OSBPL11: variants seen among roughly 807,000 people sequenced by gnomAD.
The protein encoded by OSBPL11 is oxysterol-binding protein-related protein 11.
A neutral mutation model predicts 84.4 loss-of-function variants in OSBPL11; 33 were observed. The ratio of observed to expected loss-of-function variants is 0.39; its 90% CI spans 0.30 to 0.52. The LOEUF (loss-of-function observed/expected upper bound fraction) is 0.52, where lower values mean the gene tolerates loss of function less well. Among genes scored for constraint, OSBPL11 ranks in the 20% least tolerant of loss-of-function variants. The pLI, the probability that OSBPL11 is intolerant of heterozygous loss-of-function variation, is 0.72. For synonymous variants in OSBPL11, 276 were observed against 310.2 expected, an observed-to-expected ratio of 0.89 and a Z score of 1.16; for missense variants, 736 against 901.1, an observed-to-expected ratio of 0.82 and a Z score of 2.35.
At chr3:125,563,375 TAA>T (rs1412924860) in intron 7 of OSBPL11, among the ~76,000 whole-genome samples, 4 of 152,058 alleles carry the variant, frequency 2.6e-5, no homozygotes, top group Non-Finnish European at 4.4e-5. Flanking sequence ...TTAAGAAACA[TAA>T]GAGACAAACA....
chr3:125,553,743 T>G (rs993782568), intron 8 of OSBPL11, among the ~76,000 whole-genome samples: 6 of 152,236 alleles, frequency 3.9e-5, no homozygotes, highest in Admixed American at 6.5e-5. Flanking sequence ...TTTAATTGAC[T>G]ATTATAGTCA....
At chr3:125,542,016 A>G (rs1171806777) in intron 10 of OSBPL11, among the ~76,000 whole-genome samples, 2 of 152,228 alleles carry the variant, frequency 1.3e-5, no homozygotes, top group African/African-American at 4.8e-5. Flanking sequence ...TGACATTACC[A>G]TTATTTTGTA....
At chr3:125,530,718 T>C in intron 12 of OSBPL11, 138 bp from the exon 13 acceptor site, 1 of 714,644 alleles carries the variant, frequency 1.4e-6, no homozygotes, top group Non-Finnish European at 2.4e-6. Context: ...AATAAAGTCT[T>C]TGTGATTAAG....
intron 7 of OSBPL11, among the ~76,000 whole-genome samples, chr3:125,561,293 C>A (rs377152285): frequency 6.6e-6 from 1 of 152,210 alleles, no homozygotes; most frequent in Non-Finnish European, 1.5e-5. Flanking sequence ...CCACCACACC[C>A]GGCCCCTTAA....
Position 125,560,485 on chromosome 3 carries a change from T to C in OSBPL11, c.1049A>G (p.Glu350Gly). Residue 350 changes from glutamate (E) to glycine (G), a missense_variant, in exon 8 of 13, where the codon GAG becomes GGG. By Grantham distance (98) the Glu-to-Gly change is moderately conservative. This residue lies in a region of OSBPL11 where 579 missense variants were observed against 717.6 expected (regional missense o/e 0.81). Transcript: ENST00000296220. ...PEEINADDEI[E>G]DTCDHKEDDL... is the part of the protein sequence containing the mutation. ...ATCCTCTTTGTGGTCACATGTATCC[T>C]CTATCTCATCATCTGCATTTATTTC... 1 of 1,593,960 alleles carries C rather than the reference T, an allele frequency of 6.3e-7. No homozygotes were observed. The highest frequency in any genetic ancestry group is 1.2e-5 in the South Asian group (1 of 86,388).
intron 8 of OSBPL11, among the ~76,000 whole-genome samples, chr3:125,558,679 T>C (rs770117633): frequency 3.9e-5 from 6 of 152,244 alleles, no homozygotes; most frequent in Non-Finnish European, 8.8e-5. Context: ...ATTTGACATA[T>C]ATAGGTTTTG....
intron 1 of OSBPL11, among the ~76,000 whole-genome samples, chr3:125,589,038 C>A (rs1019187694): frequency 2.0e-5 from 3 of 152,182 alleles, no homozygotes; most frequent in Non-Finnish European, 2.9e-5. Context: ...GGTATCCCAT[C>A]TATGACAAAT....
At chr3:125,550,416 A>C (rs1249457506) in intron 9 of OSBPL11, among the ~76,000 whole-genome samples, 6 of 148,438 alleles carry the variant, frequency 4.0e-5, no homozygotes, top group Admixed American at 1.4e-4. Flanking sequence ...CAACAAACAA[A>C]AAAAAAAAAA....
chr3:125,560,646 A>C, intron 7 of OSBPL11, 127 bp from the exon 8 acceptor site: 1 of 768,506 alleles, frequency 1.3e-6, no homozygotes, highest in Admixed American at 3.3e-5. Context: ...TATGGGCAAA[A>C]ATCTTTCAGA....
chr3:125,578,137 T>C (rs867965056), intron 4 of OSBPL11, among the ~76,000 whole-genome samples: 43 of 152,240 alleles, frequency 2.8e-4, no homozygotes, highest in African/African-American at 8.7e-4. Flanking sequence ...TGTCCACCAA[T>C]TGATGGATTA....
intron 6 of OSBPL11, among the ~76,000 whole-genome samples, chr3:125,565,141 G>A (rs1326062524): frequency 6.6e-6 from 1 of 152,110 alleles, no homozygotes; most frequent in Non-Finnish European, 1.5e-5. Flanking sequence ...GCTACTTGGG[G>A]GGCTAAAGCA....
Position 125,563,766 on chromosome 3 carries a change from T to C in OSBPL11, c.946A>G (p.Thr316Ala). 2 of 1,613,970 alleles carry C rather than the reference T, an allele frequency of 1.2e-6. No homozygotes were observed. The highest frequency in any genetic ancestry group is 1.7e-6 in the Non-Finnish European group (2 of 1,179,830). Reference protein sequence around the residue: ...YKNGADQPFATDQSKPVAVPE... With the variant: ...YKNGADQPFAADQSKPVAVPE... Reference sequence around the variant, plus strand: ...ACTGCCACCGGCTTACTCTGATCAGTTGCAAAGGGCTGGTCAGCTCCATTT... The same window carrying C: ...ACTGCCACCGGCTTACTCTGATCAGCTGCAAAGGGCTGGTCAGCTCCATTT... The change falls in exon 7 of 13, where the codon ACT becomes GCT. Residue 316 changes from threonine to alanine, a missense_variant. Coordinates refer to ENST00000296220, the MANE Select transcript of OSBPL11 (RefSeq NM_022776.5).
intron 6 of OSBPL11, among the ~76,000 whole-genome samples, chr3:125,564,557 G>A (rs562023812): frequency 6.6e-6 from 1 of 152,088 alleles, no homozygotes; most frequent in East Asian, 1.9e-4. Context: ...TTTGATTTCA[G>A]TTGCTGATCT....
At chr3:125,584,128 GC>G (rs1388801693) in intron 1 of OSBPL11, among the ~76,000 whole-genome samples, 2 of 152,156 alleles carry the variant, frequency 1.3e-5, no homozygotes, top group Admixed American at 1.3e-4. Context: ...ACTTTTGGAG[GC>G]CGGGGCAGGT....
In OSBPL11 at chr3:125,563,731, C is replaced by T; in HGVS notation, c.981G>A (p.Glu327=). The T allele has an allele frequency of 6.2e-7, 1 of 1,614,146 alleles. No homozygotes were observed. Among genetic ancestry groups the T allele is most frequent in the Middle Eastern group, 1.6e-4 (1 of 6,062 alleles). ...DQSKPVAVPE[E]QPVAESGLLA... ...ATAGTCCAGATTCTGCAACAGGCTG[C>T]TCTTCTGGGACTGCCACCGGCTTAC... is the stretch of plus-strand genomic sequence containing the variant. The change falls in exon 7 of 13, where the codon GAG becomes GAA. Residue 327 remains glutamate (E), a synonymous_variant. Coordinates refer to ENST00000296220, the MANE Select transcript of OSBPL11 (RefSeq NM_022776.5).
intron 1 of OSBPL11, among the ~76,000 whole-genome samples, chr3:125,584,690 G>A (rs560355087): frequency 1.3e-5 from 2 of 152,282 alleles, no homozygotes; most frequent in South Asian, 4.1e-4. Flanking sequence ...TCAAATGTAT[G>A]TGAACTATGG....
At chr3:125,567,358 T>C (rs761795191) in intron 6 of OSBPL11, 36 bp downstream of exon 6, 2 of 1,536,380 alleles carry the variant, frequency 1.3e-6, no homozygotes, top group Non-Finnish European at 1.8e-6. Context: ...TGTGTTGGCC[T>C]TCATTGTGAA....
chr3:125,560,517 C>A lies in OSBPL11; in HGVS notation c.1017G>T (p.Glu339Asp). ...PVAESGLLAR[E>D]PEEINADDEI... ...CATCATCTGCATTTATTTCTTCAGG[C>A]TCCTTGATGGAAAACAAAGCAAAAG... The change falls in exon 8 of 13, where the codon GAG (glutamate) becomes GAT (aspartate). Residue 339 changes from glutamate (E) to aspartate (D), a missense_variant and splice_region_variant. Physicochemically the swap from Glu to Asp is conservative, Grantham distance 45 (BLOSUM62 2). This residue lies in a region of OSBPL11 where 579 missense variants were observed against 717.6 expected (regional missense o/e 0.81). Coordinates refer to ENST00000296220, the MANE Select transcript of OSBPL11 (RefSeq NM_022776.5). 6.4e-7 allele frequency: 1 copy of A among 1,561,090 alleles called. No individual in the cohort carries two copies. Among genetic ancestry groups the A allele is most frequent in the Non-Finnish European group, 8.7e-7 (1 of 1,150,784 alleles).
intron 1 of OSBPL11, among the ~76,000 whole-genome samples, chr3:125,590,077 T>C (rs1026686353): frequency 1.5e-4 from 23 of 152,054 alleles, no homozygotes; most frequent in African/African-American, 5.6e-4. Context: ...ACAAAAATAA[T>C]GAAAACATGC....
Sources: gnomAD v4.1 joint callset for allele counts (sites outside exome capture counted in the v4.1 genomes callset) on GRCh38, gnomAD v4.1.1 for gene constraint, gnomAD v4.1.1 regional missense constraint, MANE v1.5 for transcripts, NCBI Gene and HGNC (gene_info 2026-07-23, HGNC 2026-07-21) for gene names.